Variants in CEP112 observed in about 807,000 individuals in gnomAD.
CEP112 encodes the protein centrosomal protein 112, also known as centrosomal protein of 112 kDa.
In CEP112, 127 loss-of-function variants were observed where a neutral mutation model predicts 153.0. The observed-to-expected ratio is 0.83, with a 90% CI of 0.72 to 0.96. The LOEUF is 0.96. Ranked by LOEUF, CEP112 falls within the 40% of genes least tolerant of loss-of-function variation. The pLI, the probability that CEP112 is intolerant of heterozygous loss-of-function variation, is 0.00. For synonymous variants in CEP112, 358 were observed against 374.4 expected, an observed-to-expected ratio of 0.96 and a Z score of 0.51; for missense variants, 1,089 against 1,101.2, an observed-to-expected ratio of 0.99 and a Z score of 0.16.
intron 17 of CEP112, among the ~76,000 whole-genome samples, chr17:65,963,494 A>G (rs938914722): frequency 6.6e-6 from 1 of 152,058 alleles, no homozygotes; most frequent in African/African-American, 2.4e-5. Context: ...CAAAATACCA[A>G]ACTTTCTCCC....
chr17:65,666,735 C>G (rs2046711243), intron 24 of CEP112, among the ~76,000 whole-genome samples: 1 of 151,506 alleles, frequency 6.6e-6, no homozygotes. Flanking sequence ...TCCTAAAGAG[C>G]ACTAATAACA....
intron 21 of CEP112, among the ~76,000 whole-genome samples, chr17:65,751,991 TA>T (rs1567961876): frequency 4.2e-5 from 6 of 144,234 alleles, no homozygotes; most frequent in African/African-American, 1.6e-4. Context: ...TCTATCTATC[TA>T]TCTATCTATC....
intron 21 of CEP112, among the ~76,000 whole-genome samples, chr17:65,813,965 G>A (rs1195762584): frequency 6.6e-6 from 1 of 152,118 alleles, no homozygotes; most frequent in Non-Finnish European, 1.5e-5. Context: ...TGTTGGGAGT[G>A]AAAATTAGAA....
intron 6 of CEP112, among the ~76,000 whole-genome samples, chr17:66,111,027 A>G (rs2069015927): frequency 6.6e-6 from 1 of 152,222 alleles, no homozygotes; most frequent in Admixed American, 6.5e-5. Context: ...AAACAAGCCC[A>G]TTAAAAAGTG....
intron 21 of CEP112, among the ~76,000 whole-genome samples, chr17:65,785,648 TC>T (rs2054240428): frequency 6.6e-6 from 1 of 152,348 alleles, no homozygotes; most frequent in East Asian, 1.9e-4. Context: ...ATCTATTTTT[TC>T]CTTTGTCATT....
At chr17:65,963,275 C>T (rs1307741505) in intron 17 of CEP112, among the ~76,000 whole-genome samples, 11 of 75,546 alleles carry the variant, frequency 1.5e-4, no homozygotes, top group East Asian at 3.7e-4. Context: ...GGATGCTGGG[C>T]GGGGGTGGGT....
chr17:66,085,168 CCTT>C (rs751833936), intron 8 of CEP112, among the ~76,000 whole-genome samples: 40 of 152,124 alleles, frequency 2.6e-4, no homozygotes, highest in Non-Finnish European at 4.4e-4. Flanking sequence ...TAGACATAAC[CCTT>C]CTTAAGTTTT....
chr17:66,133,388 A>G (rs974282722), intron 4 of CEP112, among the ~76,000 whole-genome samples: 8 of 152,154 alleles, frequency 5.3e-5, no homozygotes, highest in Admixed American at 4.6e-4. Flanking sequence ...AAATAACAAA[A>G]CCTTCATGTA....
chr17:65,941,583 A>G (rs1382012070), intron 18 of CEP112: 2 of 152,188 alleles, frequency 1.3e-5, no homozygotes, highest in Non-Finnish European at 2.9e-5. Flanking sequence ...CTGCTTCATC[A>G]TGCAATATTC....
At chr17:65,941,824 C>T (rs2061514496) in intron 18 of CEP112, among the ~76,000 whole-genome samples, 1 of 150,840 alleles carries the variant, frequency 6.6e-6, no homozygotes, top group Admixed American at 6.6e-5. Context: ...TGCTCTGTGG[C>T]CCAGGCTGGA....
At chr17:65,656,168 G>T (rs1420864952) in intron 24 of CEP112, among the ~76,000 whole-genome samples, 1 of 152,204 alleles carries the variant, frequency 6.6e-6, no homozygotes, top group African/African-American at 2.4e-5. Flanking sequence ...CAGGTAACCA[G>T]AGTCACTGAC....
chr17:66,011,468 T>C (rs1192990268), intron 16 of CEP112, among the ~76,000 whole-genome samples: 2 of 152,312 alleles, frequency 1.3e-5, no homozygotes, highest in East Asian at 3.9e-4. Flanking sequence ...CTAAATTGCA[T>C]TATTTACCCA....
At chr17:66,178,108 C>T (rs2072565011) in intron 2 of CEP112, among the ~76,000 whole-genome samples, 1 of 152,088 alleles carries the variant, frequency 6.6e-6, no homozygotes, top group African/African-American at 2.4e-5. Flanking sequence ...CACATGGTAG[C>T]TCTATTTTCT....
At chr17:66,020,265 C>T (rs180885570) in intron 16 of CEP112, among the ~76,000 whole-genome samples, 21 of 152,290 alleles carry the variant, frequency 1.4e-4, no homozygotes, top group Admixed American at 8.5e-4. Context: ...AAAAGTATGT[C>T]CATTTCATAT....
chr17:65,820,345 T>C (rs1484735582), intron 21 of CEP112, among the ~76,000 whole-genome samples: 5 of 152,122 alleles, frequency 3.3e-5, no homozygotes, highest in African/African-American at 1.2e-4. Context: ...AAGTTTACCA[T>C]GCATGACTAG....
At chr17:65,768,052 C>T (rs530823983) in intron 21 of CEP112, among the ~76,000 whole-genome samples, 1 of 152,048 alleles carries the variant, frequency 6.6e-6, no homozygotes, top group Non-Finnish European at 1.5e-5. Flanking sequence ...TGACCACCCC[C>T]CAAATGCAGT....
chr17:66,142,924 A>G (rs981367707), intron 4 of CEP112, among the ~76,000 whole-genome samples: 2 of 152,122 alleles, frequency 1.3e-5, no homozygotes, highest in African/African-American at 4.8e-5. Context: ...GAAATTGTAG[A>G]TTGCTTTGTG....
At chr17:66,104,699 T>C (rs2068708706) in intron 6 of CEP112, among the ~76,000 whole-genome samples, 1 of 152,042 alleles carries the variant, frequency 6.6e-6, no homozygotes, top group Non-Finnish European at 1.5e-5. Flanking sequence ...TTCCAGGCCT[T>C]GGGTCCTGGT....
intron 20 of CEP112, among the ~76,000 whole-genome samples, chr17:65,867,371 C>G (rs917930946): frequency 2.0e-5 from 3 of 152,172 alleles, no homozygotes; most frequent in African/African-American, 7.2e-5. Flanking sequence ...TGGACCAGAG[C>G]AAAACCCAGG....
Sources: gnomAD v4.1 joint callset for allele counts (sites outside exome capture counted in the v4.1 genomes callset) on GRCh38, gnomAD v4.1.1 for gene constraint, MANE v1.5 for transcripts, NCBI Gene and HGNC (gene_info 2026-07-23, HGNC 2026-07-21) for gene names.